TANGO6: variants seen among roughly 807,000 people sequenced by gnomAD.
The protein encoded by TANGO6 is transport and golgi organization 6 homolog.
Under a neutral mutation model 114.2 loss-of-function variants are expected in TANGO6, and 90 were observed. The observed-to-expected ratio is 0.79, with a 90% confidence interval of 0.66 to 0.94. The LOEUF (loss-of-function observed/expected upper bound fraction) is 0.94. Among genes scored for constraint, TANGO6 ranks in the 40% least tolerant of loss-of-function variants. TANGO6 has a pLI of 0.00. For synonymous variants in TANGO6, 477 were observed against 509.8 expected, an observed-to-expected ratio of 0.94 and a Z score of 0.87; for missense variants, 1,274 against 1,315.3, an observed-to-expected ratio of 0.97 and a Z score of 0.49.
At chr16:68,870,582 CT>C (rs1194625251) in intron 4 of TANGO6, among the ~76,000 whole-genome samples, 3 of 152,136 alleles carry the variant, frequency 2.0e-5, no homozygotes, top group African/African-American at 7.2e-5. Flanking sequence ...CCTCTTTTTC[CT>C]ATGAGTTCCC....
At chr16:69,083,460 G>T (rs754209869) in intron 17 of TANGO6, 25 bp from the exon 18 acceptor site, 2 of 1,592,502 alleles carry the variant, frequency 1.3e-6, no homozygotes, top group African/African-American at 1.3e-5. Flanking sequence ...GTAGACAGGC[G>T]GTCATGGCTG....
At chr16:69,002,205 G>A (rs1053278040) in intron 15 of TANGO6, among the ~76,000 whole-genome samples, 1 of 152,038 alleles carries the variant, frequency 6.6e-6, no homozygotes, top group Non-Finnish European at 1.5e-5. Flanking sequence ...TGAGCATCAA[G>A]GGTAGCAAGA....
chr16:68,872,212 C>G (rs1225072106), intron 4 of TANGO6, among the ~76,000 whole-genome samples: 2 of 151,084 alleles, frequency 1.3e-5, no homozygotes, highest in Non-Finnish European at 2.9e-5. Flanking sequence ...TAGGGTGAGA[C>G]TCTTGTCTCA....
intron 15 of TANGO6, among the ~76,000 whole-genome samples, chr16:69,001,090 A>G (rs1964037747): frequency 6.6e-6 from 1 of 152,204 alleles, no homozygotes. Context: ...TTTTACCAAA[A>G]ACATGTAATT....
chr16:68,872,013 C>T (rs371218747), intron 4 of TANGO6, among the ~76,000 whole-genome samples: 2 of 152,068 alleles, frequency 1.3e-5, no homozygotes, highest in South Asian at 4.2e-4. Flanking sequence ...GGGCGGATCA[C>T]GAGGTCAGGA....
intron 16 of TANGO6, among the ~76,000 whole-genome samples, chr16:69,029,969 G>A (rs1959568389): frequency 6.6e-6 from 1 of 151,860 alleles, no homozygotes; most frequent in Admixed American, 6.6e-5. Flanking sequence ...TTAGCTGAGA[G>A]TAGTAACAGG....
intron 15 of TANGO6, chr16:69,006,961 A>C (rs193247064): frequency 6.6e-6 from 1 of 152,264 alleles, no homozygotes; most frequent in Admixed American, 6.5e-5. Context: ...TTGCTGCTGT[A>C]AGGGTTTACT....
At chr16:69,051,186 G>T (rs1408006584) in intron 17 of TANGO6, among the ~76,000 whole-genome samples, 1 of 152,016 alleles carries the variant, frequency 6.6e-6, no homozygotes, top group Non-Finnish European at 1.5e-5. Context: ...TTCTCACTTA[G>T]TGTTCCTATT....
intron 4 of TANGO6, among the ~76,000 whole-genome samples, chr16:68,873,887 T>TA (rs1327076162): frequency 1.3e-5 from 2 of 152,188 alleles, no homozygotes; most frequent in Non-Finnish European, 2.9e-5. Flanking sequence ...TAAGGTAATT[T>TA]AACCCCTTTT....
At chr16:69,080,105 A>T (rs917710766) in intron 17 of TANGO6, among the ~76,000 whole-genome samples, 33 of 152,242 alleles carry the variant, frequency 2.2e-4, no homozygotes, top group African/African-American at 7.7e-4. Flanking sequence ...GATAAAAAGA[A>T]TTTAAATTAC....
At chr16:68,962,799 C>T (rs992632261) in intron 14 of TANGO6, among the ~76,000 whole-genome samples, 1 of 151,484 alleles carries the variant, frequency 6.6e-6, no homozygotes, top group Admixed American at 6.6e-5. Context: ...GTCAAAAAAG[C>T]GGCCGGGCGC....
chr16:68,946,654 A>G (rs1963417697), intron 14 of TANGO6, among the ~76,000 whole-genome samples: 1 of 152,042 alleles, frequency 6.6e-6, no homozygotes, highest in South Asian at 2.1e-4. Flanking sequence ...GGTGCACACC[A>G]CCATGCCCAG....
intron 15 of TANGO6, among the ~76,000 whole-genome samples, chr16:69,009,652 T>C (rs1462475287): frequency 1.3e-5 from 2 of 152,204 alleles, no homozygotes; most frequent in Admixed American, 6.5e-5. Context: ...GATATTGCCA[T>C]TGTAATATTG....
At chr16:68,915,598 T>C (rs1597018078) in intron 11 of TANGO6, among the ~76,000 whole-genome samples, 1 of 152,230 alleles carries the variant, frequency 6.6e-6, no homozygotes, top group African/African-American at 2.4e-5. Flanking sequence ...GGAGGCAACA[T>C]AGTTGGCCCA....
At chr16:68,958,619 A>T (rs562934187) in intron 14 of TANGO6, among the ~76,000 whole-genome samples, 5 of 152,254 alleles carry the variant, frequency 3.3e-5, no homozygotes, top group East Asian at 1.9e-4. Flanking sequence ...ACAGATTTTT[A>T]AGAGGCTTTC....
chr16:69,032,244 C>T (rs963131329), intron 16 of TANGO6, among the ~76,000 whole-genome samples: 8 of 152,018 alleles, frequency 5.3e-5, no homozygotes, highest in African/African-American at 1.2e-4. Context: ...TAACTTCATT[C>T]GTTCATTCAT....
chr16:68,942,902 AT>A (rs527605851), intron 14 of TANGO6, among the ~76,000 whole-genome samples: 12,998 of 143,062 alleles, frequency 0.091, 569 homozygotes, highest in African/African-American at 0.13. Context: ...TTAATTTTTA[AT>A]TTTTTTTTTT....
At chr16:69,027,841 C>A (rs1959529589) in intron 16 of TANGO6, among the ~76,000 whole-genome samples, 2 of 151,354 alleles carry the variant, frequency 1.3e-5, no homozygotes, top group Admixed American at 6.6e-5. Context: ...AGTACAATGG[C>A]GTGATCTCGG....
chr16:68,966,254 T>C (rs1216121305), intron 14 of TANGO6, among the ~76,000 whole-genome samples: 1 of 151,568 alleles, frequency 6.6e-6, no homozygotes, highest in Admixed American at 6.6e-5. Context: ...CCGGCTGCAG[T>C]GGCTCACGCC....
Sources: gnomAD v4.1 joint callset for allele counts (sites outside exome capture counted in the v4.1 genomes callset) on GRCh38, gnomAD v4.1.1 for gene constraint, MANE v1.5 for transcripts, NCBI Gene and HGNC (gene_info 2026-07-23, HGNC 2026-07-21) for gene names.